Variants in SHISA5 observed in about 807,000 individuals in gnomAD.
The protein encoded by SHISA5 is shisa family member 5, also known as protein shisa-5.
In SHISA5, 21 loss-of-function variants were observed where a neutral mutation model predicts 27.5. The ratio of observed to expected loss-of-function variants is 0.76; its 90% CI spans 0.54 to 1.10. The LOEUF is 1.10. SHISA5 is among the 50% of genes least tolerant of loss of function. The probability of loss-of-function intolerance (pLI) is 0.00; values close to 1 mark genes in which losing one functional copy is unlikely to be tolerated. For synonymous variants in SHISA5, 137 were observed against 142.2 expected (o/e 0.96, Z 0.26); for missense variants, 314 against 336.3 (o/e 0.93, Z 0.52).
chr3:48,482,150 TA>T (rs1258418573), intron 2 of SHISA5, among the ~76,000 whole-genome samples: 1 of 129,642 alleles, frequency 7.7e-6, no homozygotes, highest in Non-Finnish European at 1.7e-5. Context: ...AAGAAATTAA[TA>T]AAGGTAAGTG....
At position 48,469,112 on chromosome 3, in the gene SHISA5, G is replaced by A. The variant is rs779811197; in HGVS notation, c.718C>T (p.Leu240Phe). Reference sequence around the variant, plus strand: ...CCAGAGAGGCCAGGGAATGCTCAGAGGGCCGCCTTCGGGGCATCCATGTAG... The same window carrying A: ...CCAGAGAGGCCAGGGAATGCTCAGAAGGCCGCCTTCGGGGCATCCATGTAG... ...PAYMDAPKAA[L>F] Residue 240 changes from leucine (L) to phenylalanine (F), a missense_variant, in exon 6 of 6, where the codon CTC (leucine) becomes TTC (phenylalanine). Coordinates refer to ENST00000296444, the MANE Select transcript of SHISA5 (RefSeq NM_016479.6). This position sits in a 1 kb window ranked among gnomAD's most constrained non-coding sequence, Gnocchi z 4.6. The A allele has an allele frequency of 6.2e-7, 1 of 1,613,066 alleles. No individual in the cohort carries two copies. Among genetic ancestry groups the A allele is most frequent in the East Asian group, 2.2e-5 (1 of 44,886 alleles).
Position 48,492,281 on chromosome 3 carries a change from A to T in SHISA5, c.233+8856T>A, listed in dbSNP as rs113368414. ...GTCAGGAGATCAAGACCATCCTGGC[A>T]AACACGGTGAAACCCTGTCTCTACT... On this transcript the variant is annotated intron_variant, in intron 2 of 5. Coordinates refer to ENST00000296444, the MANE Select transcript of SHISA5 (RefSeq NM_016479.6). 2.9e-3 allele frequency among the ~76,000 whole-genome samples: 432 copies of T among 150,776 alleles called. 2 individuals carry two copies. The highest frequency in any genetic ancestry group is 4.6e-3 in the Non-Finnish European group (311 of 67,672).
Position 48,469,126 on chromosome 3 carries a change from G to A in SHISA5, c.704C>T (p.Ala235Val). 6.2e-7 allele frequency: 1 copy of A among 1,613,042 alleles called. No homozygotes were observed. Among genetic ancestry groups the A allele is most frequent in the Middle Eastern group, 1.6e-4 (1 of 6,062 alleles). The change falls in exon 6 of 6, where the codon GCC becomes GTC. Residue 235 changes from alanine to valine, a missense_variant. By Grantham distance (64) the Ala-to-Val change is moderately conservative (BLOSUM62 0). Transcript: ENST00000296444. The surrounding 1 kb of genome is among the most constrained non-coding windows in gnomAD (Gnocchi z 4.6). The stretch of plus-strand genomic sequence containing the variant: ...GAATGCTCAGAGGGCCGCCTTCGGG[G>A]CATCCATGTAGGCCGGGTTGTAAGG... ...QPPYNPAYMD[A>V]PKAAL
At chr3:48,484,850 G>A (rs1007299765) in intron 2 of SHISA5, among the ~76,000 whole-genome samples, 18 of 151,848 alleles carry the variant, frequency 1.2e-4, no homozygotes, top group Admixed American at 1.1e-3. Flanking sequence ...CCGAGATGGC[G>A]CCACTGCACT....
intron 1 of SHISA5, chr3:48,502,995 A>G: frequency 1.4e-6 from 1 of 719,692 alleles, no homozygotes; most frequent in African/African-American, 1.8e-5. Flanking sequence ...AGTTGGGGGG[A>G]ACTGCACTTC....
In SHISA5 at chr3:48,469,373, C is replaced by T. The variant is rs1381357840; in HGVS notation, c.631G>A (p.Glu211Lys). 1.0e-5 allele frequency: 16 copies of T among 1,587,668 alleles called. No homozygotes were observed. Among genetic ancestry groups the T allele is most frequent in the Admixed American group, 6.9e-5 (4 of 58,056 alleles). ...AQPMGPPAYH[E>K]TLAGGAAAPY... Reference sequence around the variant, plus strand: ...CAGGGGCACTCACCAGCCAGGGTCTCGTGGTAGGCCGGTGGGCCCATGGGC... The same window carrying T: ...CAGGGGCACTCACCAGCCAGGGTCTTGTGGTAGGCCGGTGGGCCCATGGGC... The change falls in exon 5 of 6, where the codon GAG (glutamate) becomes AAG (lysine). Residue 211 changes from glutamate (E) to lysine (K), a missense_variant. Physicochemically the swap from Glu to Lys is moderately conservative, Grantham distance 56. Transcript: ENST00000296444. The surrounding 1 kb of genome is among the most constrained non-coding windows in gnomAD (Gnocchi z 4.6).
chr3:48,492,287 G>A (rs1325034812), intron 2 of SHISA5, among the ~76,000 whole-genome samples: 2 of 150,954 alleles, frequency 1.3e-5, no homozygotes, highest in Non-Finnish European at 2.9e-5. Context: ...TGGCAAACAC[G>A]GTGAAACCCT....
In SHISA5 at chr3:48,476,341, C is replaced by CAAA. The variant is rs1250491645; in HGVS notation, c.314+2833_314+2835dup. 2.0e-3 allele frequency among the ~76,000 whole-genome samples: 127 copies of CAAA among 62,326 alleles called. 1 individual carries two copies. The highest frequency in any genetic ancestry group is 5.9e-3 in the African/African-American group (99 of 16,646). 40.9% of individuals were successfully genotyped at this position (62,326 alleles called of 152,430 possible). On this transcript the variant is annotated intron_variant, in intron 3 of 5. Transcript: ENST00000296444. ...GGGCAACAGGAGAGAAACTCCATCT[C>CAAA]AAAAAAAAAAAAAAAAAAAAGTAGC... is the stretch of plus-strand genomic sequence containing the variant.
At position 48,469,301 on chromosome 3, in the gene SHISA5, G is replaced by A. The variant is rs768505549; in HGVS notation, c.643+60C>T. 9.3e-5 allele frequency: 145 copies of A among 1,566,054 alleles called. No homozygotes were observed. Among genetic ancestry groups the A allele is most frequent in the Non-Finnish European group, 1.1e-4 (130 of 1,154,346 alleles). The stretch of plus-strand genomic sequence containing the variant: ...GTGATGTAGTTTGGGATGGGTGCCC[G>A]AGGGATGCTGGCAGAGACTCGGGAA... On this transcript the variant is annotated intron_variant, in intron 5 of 5. Transcript: ENST00000296444. This position sits in a 1 kb window ranked among gnomAD's most constrained non-coding sequence, Gnocchi z 4.6.
chr3:48,501,860 CTTTTT>C (rs35527637), intron 1 of SHISA5, among the ~76,000 whole-genome samples: 1 of 133,088 alleles, frequency 7.5e-6, no homozygotes, highest in Non-Finnish European at 1.6e-5. Flanking sequence ...CCCTTTCTTT[CTTTTT>C]TTTTTTTTTT....
At chr3:48,479,350 G>C in intron 2 of SHISA5, 93 bp from the exon 3 acceptor site, 1 of 1,261,588 alleles carries the variant, frequency 7.9e-7, no homozygotes, top group Non-Finnish European at 1.1e-6. Flanking sequence ...GTGCACAGAA[G>C]CTACTATGAA....
At chr3:48,503,287 A>G (rs2041808065) in intron 1 of SHISA5, 2 of 722,308 alleles carry the variant, frequency 2.8e-6, no homozygotes, top group Non-Finnish European at 4.2e-6. Context: ...CGACCCTCCT[A>G]CAGGCTCACT....
In SHISA5 at chr3:48,501,222, C is replaced by T; in HGVS notation, c.148G>A (p.Gly50Ser). The T allele has an allele frequency of 6.2e-7, 1 of 1,614,128 alleles. No individual in the cohort carries two copies. Among genetic ancestry groups the T allele is most frequent in the Non-Finnish European group, 8.5e-7 (1 of 1,180,010 alleles). Residue 50 changes from glycine (G) to serine (S), a missense_variant, in exon 2 of 6, where the codon GGT becomes AGT. Coordinates refer to ENST00000296444, the MANE Select transcript of SHISA5 (RefSeq NM_016479.6). ...CAGCAGTATTGGTCATCACAGGTAC[C>T]ACAGCAGAAATCTGGACAGGACTCG... is the stretch of plus-strand genomic sequence containing the variant. ...FPESCPDFCC[G>S]TCDDQYCCSD...
chr3:48,503,207 G>C, intron 1 of SHISA5: 1 of 1,287,196 alleles, frequency 7.8e-7, no homozygotes, highest in Non-Finnish European at 1.0e-6. Flanking sequence ...AAGACACACC[G>C]GTGAGGCTGT....
rs911388646 is a variant in SHISA5 at position 48,479,245 on chromosome 3, A to G, written c.246T>C (p.Ser82=). The change falls in exon 3 of 6, where the codon AGT becomes AGC. Residue 82 remains serine, a synonymous_variant. Transcript: ENST00000296444. ...CAVPEASVPA[S]VEPVEQLGSA... ...AGCCCAGCTGCTCCACCGGCTCTACACTGGCAGGCACGCTGCAAACAGGAA... is the reference window on the plus strand; with the variant it reads ...AGCCCAGCTGCTCCACCGGCTCTACGCTGGCAGGCACGCTGCAAACAGGAA... 3.7e-6 allele frequency: 6 copies of G among 1,607,804 alleles called. No individual in the cohort carries two copies. In the African/African-American group the frequency reaches 8.0e-5, roughly 21 times the overall value.
At chr3:48,490,580 A>G (rs1409301165) in intron 2 of SHISA5, among the ~76,000 whole-genome samples, 1 of 152,144 alleles carries the variant, frequency 6.6e-6, no homozygotes, top group African/African-American at 2.4e-5. Context: ...CCAAATTCCT[A>G]TCTAAGGGGC....
rs1256175301 is a variant in SHISA5 at position 48,486,374 on chromosome 3, A to T, written c.234-7117T>A. 2.5e-3 allele frequency among the ~76,000 whole-genome samples: 79 copies of T among 31,350 alleles called. 3 individuals carry two copies. The highest frequency in any genetic ancestry group is 8.4e-3 in the African/African-American group (69 of 8,246). The allele number at this position is 31,350 out of a possible 152,430, so 20.6% of individuals were successfully genotyped here. A position where few individuals can be genotyped will look rare whatever the true frequency, so the allele number is the denominator to read the frequency against. ...TGTATTATATATTATATATTATATA[A>T]TATATAATATGTTATATAATGTATA... is the stretch of plus-strand genomic sequence containing the variant. On this transcript the variant is annotated intron_variant, in intron 2 of 5. Coordinates refer to ENST00000296444, the MANE Select transcript of SHISA5 (RefSeq NM_016479.6).
At chr3:48,498,601 T>C (rs2041641618) in intron 2 of SHISA5, among the ~76,000 whole-genome samples, 1 of 149,922 alleles carries the variant, frequency 6.7e-6, no homozygotes. Flanking sequence ...GCAGGATAAT[T>C]GCTTGAACCT....
chr3:48,469,116 C>T lies in SHISA5; in HGVS notation c.714G>A (p.Ala238=), dbSNP rs1334603640. Residue 238 remains alanine (A), a synonymous_variant, in exon 6 of 6, where the codon GCG becomes GCA. Coordinates refer to ENST00000296444, the MANE Select transcript of SHISA5 (RefSeq NM_016479.6). This position sits in a 1 kb window ranked among gnomAD's most constrained non-coding sequence, Gnocchi z 4.6. ...AGAGGCCAGGGAATGCTCAGAGGGC[C>T]GCCTTCGGGGCATCCATGTAGGCCG... is the stretch of plus-strand genomic sequence containing the variant. ...YNPAYMDAPK[A]AL is the part of the protein sequence containing the mutation. 9 of 1,612,914 alleles carry T rather than the reference C, an allele frequency of 5.6e-6. No individual in the cohort carries two copies. Among genetic ancestry groups the T allele is most frequent in the East Asian group, 2.2e-5 (1 of 44,896 alleles).
Sources: gnomAD v4.1 joint callset for allele counts (sites outside exome capture counted in the v4.1 genomes callset) on GRCh38, gnomAD v4.1.1 for gene constraint, Gnocchi (gnomAD v3.1) non-coding constraint, MANE v1.5 for transcripts, NCBI Gene and HGNC (gene_info 2026-07-23, HGNC 2026-07-21) for gene names.